KCNH7: variants seen among roughly 807,000 people sequenced by gnomAD.
KCNH7 encodes the protein voltage-gated inwardly rectifying potassium channel KCNH7.
Under a neutral mutation model 120.8 loss-of-function variants are expected in KCNH7, and 49 were observed. The observed-to-expected ratio is 0.41, with a 90% CI of 0.32 to 0.51. KCNH7 has a LOEUF of 0.51. KCNH7 is among the 20% of genes least tolerant of loss of function. KCNH7 has a pLI of 0.38. For missense variants in KCNH7, 1,097 were observed against 1,446.6 expected (o/e 0.76, Z 3.92); for synonymous variants, 547 against 516.1 (o/e 1.06, Z -0.81).
chr2:162,534,070 C>T (rs141827643), intron 3 of KCNH7, among the ~76,000 whole-genome samples: 17 of 151,382 alleles, frequency 1.1e-4, no homozygotes, highest in African/African-American at 3.9e-4. Flanking sequence ...TATTAAACAA[C>T]TCAAGTTAAA....
At chr2:162,376,208 AG>A (rs1261600026) in intron 14 of KCNH7, among the ~76,000 whole-genome samples, 1 of 152,142 alleles carries the variant, frequency 6.6e-6, no homozygotes, top group Non-Finnish European at 1.5e-5. Flanking sequence ...CACTTAGGAA[AG>A]ACAAATGAAG....
At chr2:162,627,189 A>G (rs542653547) in intron 2 of KCNH7, among the ~76,000 whole-genome samples, 2 of 152,262 alleles carry the variant, frequency 1.3e-5, no homozygotes, top group East Asian at 1.9e-4. Context: ...TCAAGAGTGC[A>G]CTGCATGCTA....
At chr2:162,795,451 A>G (rs1267047132) in intron 2 of KCNH7, 2 of 152,124 alleles carry the variant, frequency 1.3e-5, no homozygotes, top group South Asian at 2.1e-4. Flanking sequence ...TGGTTAAAGT[A>G]TGGTGAAGTC....
At chr2:162,752,943 GAAA>G (rs1688629163) in intron 2 of KCNH7, among the ~76,000 whole-genome samples, 2 of 98,984 alleles carry the variant, frequency 2.0e-5, no homozygotes, top group East Asian at 9.1e-4. Context: ...GAAAAGAAAA[GAAA>G]AGAAAAGAAA....
At chr2:162,812,675 T>C (rs757662211) in intron 2 of KCNH7, among the ~76,000 whole-genome samples, 4 of 152,116 alleles carry the variant, frequency 2.6e-5, no homozygotes, top group African/African-American at 4.8e-5. Context: ...TATAAAGTAC[T>C]TCACTATGAG....
At chr2:162,706,987 A>T (rs1686728389) in intron 2 of KCNH7, among the ~76,000 whole-genome samples, 2 of 152,112 alleles carry the variant, frequency 1.3e-5, no homozygotes, top group African/African-American at 4.8e-5. Context: ...GTGTTCTTTA[A>T]CAGCACACTA....
chr2:162,457,250 C>A (rs997547312), intron 6 of KCNH7, among the ~76,000 whole-genome samples: 3 of 152,012 alleles, frequency 2.0e-5, no homozygotes, highest in Non-Finnish European at 2.9e-5. Flanking sequence ...CAACTTCTCC[C>A]ACACATTTGA....
At chr2:162,590,821 G>A (rs573860578) in intron 2 of KCNH7, among the ~76,000 whole-genome samples, 7 of 151,962 alleles carry the variant, frequency 4.6e-5, no homozygotes, top group South Asian at 2.1e-4. Context: ...CTATTTCCAC[G>A]CACATCTGTT....
intron 7 of KCNH7, among the ~76,000 whole-genome samples, chr2:162,445,435 T>C (rs1688547228): frequency 6.6e-6 from 1 of 152,084 alleles, no homozygotes; most frequent in Non-Finnish European, 1.5e-5. Flanking sequence ...TCAAAGAGTC[T>C]TTTGAGGAGC....
chr2:162,540,367 T>C (rs1158840882), intron 2 of KCNH7, among the ~76,000 whole-genome samples: 2 of 152,088 alleles, frequency 1.3e-5, no homozygotes, highest in Non-Finnish European at 2.9e-5. Flanking sequence ...CTAATTTTAA[T>C]AAAATTTTTA....
chr2:162,673,235 A>G (rs892242739), intron 2 of KCNH7, among the ~76,000 whole-genome samples: 1 of 152,084 alleles, frequency 6.6e-6, no homozygotes, highest in Non-Finnish European at 1.5e-5. Context: ...GTAGAAAGAA[A>G]AAATAGAGAT....
intron 5 of KCNH7, among the ~76,000 whole-genome samples, chr2:162,509,420 A>G (rs1690991399): frequency 6.6e-6 from 1 of 151,628 alleles, no homozygotes; most frequent in African/African-American, 2.4e-5. Context: ...TGTACAATAT[A>G]TCTTAGGGCA....
At chr2:162,530,847 G>GA (rs1182199847) in intron 3 of KCNH7, among the ~76,000 whole-genome samples, 5 of 151,826 alleles carry the variant, frequency 3.3e-5, no homozygotes, top group African/African-American at 1.2e-4. Flanking sequence ...CCAAAGATGA[G>GA]AAAAAATATG....
At chr2:162,699,587 A>C (rs1279929197) in intron 2 of KCNH7, among the ~76,000 whole-genome samples, 1 of 152,160 alleles carries the variant, frequency 6.6e-6, no homozygotes, top group Non-Finnish European at 1.5e-5. Context: ...TCTTTACTTC[A>C]TATTGAGCTT....
intron 6 of KCNH7, among the ~76,000 whole-genome samples, chr2:162,461,065 C>T (rs1689130978): frequency 6.6e-6 from 1 of 152,164 alleles, no homozygotes; most frequent in South Asian, 2.1e-4. Flanking sequence ...TGTAGAACTA[C>T]CTTTTTTTCT....
At chr2:162,611,670 T>C (rs1559043636) in intron 2 of KCNH7, among the ~76,000 whole-genome samples, 1 of 152,140 alleles carries the variant, frequency 6.6e-6, no homozygotes. Flanking sequence ...AAAAAGAGTT[T>C]TTATTTTTTG....
intron 2 of KCNH7, among the ~76,000 whole-genome samples, chr2:162,660,405 C>T (rs1214609191): frequency 6.6e-6 from 1 of 152,032 alleles, no homozygotes; most frequent in Admixed American, 6.5e-5. Context: ...TCCTCAAGTA[C>T]TTGAGGATCT....
intron 3 of KCNH7, among the ~76,000 whole-genome samples, chr2:162,524,619 G>A (rs535377515): frequency 6.6e-6 from 1 of 152,040 alleles, no homozygotes; most frequent in African/African-American, 2.4e-5. Context: ...GTACTTACAA[G>A]CCCGACATTA....
intron 2 of KCNH7, among the ~76,000 whole-genome samples, chr2:162,744,601 CTCGCTCTG>C (rs1688249533): frequency 1.5e-5 from 2 of 133,884 alleles, no homozygotes; most frequent in Non-Finnish European, 3.1e-5. Flanking sequence ...GATACGGAGT[CTCGCTCTG>C]TCGCCCAGGC....
Sources: gnomAD v4.1 joint callset for allele counts (sites outside exome capture counted in the v4.1 genomes callset) on GRCh38, gnomAD v4.1.1 for gene constraint, MANE v1.5 for transcripts, NCBI Gene and HGNC (gene_info 2026-07-23, HGNC 2026-07-21) for gene names.